The following BTRC variants were observed in gnomAD, a reference collection of about 807,000 sequenced individuals.
The protein encoded by BTRC is beta-transducin repeat containing E3 ubiquitin protein ligase.
A neutral mutation model predicts 85.5 loss-of-function variants in BTRC; 42 were observed. The observed-to-expected ratio is 0.49, with a 90% CI of 0.38 to 0.64. The LOEUF (loss-of-function observed/expected upper bound fraction) is 0.64, where lower values mean the gene tolerates loss of function less well. BTRC is among the 30% of genes least tolerant of loss of function. BTRC has a pLI of 0.00. For synonymous variants in BTRC, 255 were observed against 263.3 expected (o/e 0.97, Z 0.30); for missense variants, 594 against 743.5 (o/e 0.80, Z 2.34).
intron 3 of BTRC, among the ~76,000 whole-genome samples, chr10:101,476,232 G>A (rs1451500665): frequency 6.6e-6 from 1 of 151,834 alleles, no homozygotes; most frequent in African/African-American, 2.4e-5. Context: ...AAAGACTGAG[G>A]GATTGTTGAA....
At chr10:101,524,313 T>G (rs10509750) in intron 5 of BTRC, among the ~76,000 whole-genome samples, 3,000 of 152,296 alleles carry the variant, frequency 0.02, 57 homozygotes, top group East Asian at 0.09. Context: ...CCTCATTACT[T>G]TGTTCTCCCC....
chr10:101,498,554 T>C (rs1946322753), intron 4 of BTRC, among the ~76,000 whole-genome samples: 1 of 152,188 alleles, frequency 6.6e-6, no homozygotes, highest in African/African-American at 2.4e-5. Flanking sequence ...CCACACAGGT[T>C]AGCACATTTT....
intron 1 of BTRC, among the ~76,000 whole-genome samples, chr10:101,417,769 G>A (rs1943986469): frequency 1.3e-5 from 2 of 151,952 alleles, no homozygotes; most frequent in South Asian, 4.1e-4. Flanking sequence ...TAACTCCTGG[G>A]CTCAAGTGAT....
chr10:101,404,350 C>A lies in BTRC; in HGVS notation c.49-25995C>A, dbSNP rs1418231811. On this transcript the variant is annotated intron_variant, in intron 1 of 14. Transcript: ENST00000370187. ...CAGCCAATCCTAGCTATATTACAGT[C>A]TTTGCCTTTAAAGTTAATTTCACCG... is the stretch of plus-strand genomic sequence containing the variant. 2.6e-5 allele frequency among the ~76,000 whole-genome samples: 4 copies of A among 151,944 alleles called. No individual in the cohort carries two copies. In the East Asian group the frequency reaches 7.8e-4, roughly 29 times the overall value.
intron 1 of BTRC, among the ~76,000 whole-genome samples, chr10:101,423,925 GC>G (rs1489357802): frequency 6.6e-6 from 1 of 152,086 alleles, no homozygotes; most frequent in African/African-American, 2.4e-5. Context: ...TTTGCACTTT[GC>G]AGCTTTTAGA....
At chr10:101,411,146 C>A (rs566711307) in intron 1 of BTRC, among the ~76,000 whole-genome samples, 1 of 152,068 alleles carries the variant, frequency 6.6e-6, no homozygotes, top group East Asian at 1.9e-4. Context: ...CAGGTGCAGG[C>A]CCCTACGCCT....
At chr10:101,389,145 T>TTTTTTTTTC (rs1943170292) in intron 1 of BTRC, among the ~76,000 whole-genome samples, 1 of 138,494 alleles carries the variant, frequency 7.2e-6, no homozygotes. Flanking sequence ...TTTTTTTTTT[T>TTTTTTTTTC]TTTGCTGATC....
In BTRC at chr10:101,524,475, G is replaced by C. The variant is rs531819959; in HGVS notation, c.557-1538G>C. On this transcript the variant is annotated intron_variant, in intron 5 of 14. Coordinates refer to ENST00000370187, the MANE Select transcript of BTRC (RefSeq NM_033637.4). ...TTAAATCATCAATCTAATGCTTTAT[G>C]GCCATTTAAACTTATAAACCTATAT... is the stretch of plus-strand genomic sequence containing the variant. Among the ~76,000 whole-genome samples, 315 of 152,160 alleles carry C rather than the reference G, an allele frequency of 2.1e-3. 3 individuals are homozygous for C. The highest frequency in any genetic ancestry group is 7.1e-3 in the African/African-American group (293 of 41,524).
intron 9 of BTRC, 35 bp downstream of exon 9, chr10:101,533,105 A>G (rs745933497): frequency 7.0e-7 from 1 of 1,432,158 alleles, no homozygotes. Context: ...GAACTCTGAA[A>G]TATCAGCTCT....
intron 1 of BTRC, among the ~76,000 whole-genome samples, chr10:101,394,763 T>C (rs1422101139): frequency 6.6e-6 from 1 of 152,162 alleles, no homozygotes; most frequent in Non-Finnish European, 1.5e-5. Flanking sequence ...GAGTAGTACA[T>C]GGCTAGACTT....
chr10:101,430,483 G>A (rs1272202314), intron 2 of BTRC, 31 bp downstream of exon 2: 18 of 1,566,956 alleles, frequency 1.1e-5, no homozygotes, highest in Admixed American at 1.7e-5. Context: ...GGTTATTTGC[G>A]GGCATTAGTG....
At chr10:101,529,896 G>A (rs2062254395) in intron 6 of BTRC, among the ~76,000 whole-genome samples, 1 of 152,180 alleles carries the variant, frequency 6.6e-6, no homozygotes, top group Non-Finnish European at 1.5e-5. Context: ...ATTACACTCA[G>A]AGGCATTTCT....
chr10:101,467,947 A>G lies in BTRC; in HGVS notation c.234+5889A>G, dbSNP rs138403335. Among the ~76,000 whole-genome samples, 558 of 152,284 alleles carry G rather than the reference A, an allele frequency of 3.7e-3. 3 individuals carry two copies. The highest frequency in any genetic ancestry group is 5.6e-3 in the Admixed American group (86 of 15,288). ...AATTAATGTAGGTCTCTTAAGTAAG[A>G]CAAAAGTGATCTTTCCAAATCTGAC... On this transcript the variant is annotated intron_variant, in intron 3 of 14. Coordinates refer to ENST00000370187, the MANE Select transcript of BTRC (RefSeq NM_033637.4).
chr10:101,369,874 A>G (rs573834557), intron 1 of BTRC, among the ~76,000 whole-genome samples: 1 of 152,264 alleles, frequency 6.6e-6, no homozygotes, highest in South Asian at 2.1e-4. Context: ...TTCTTAGTCA[A>G]TCAGCCCCTT....
At chr10:101,462,696 A>T (rs953269139) in intron 3 of BTRC, among the ~76,000 whole-genome samples, 3 of 150,870 alleles carry the variant, frequency 2.0e-5, no homozygotes, top group African/African-American at 4.9e-5. Flanking sequence ...AAAAAAAAAA[A>T]ATAGCTCACC....
chr10:101,508,932 A>C (rs904862034), intron 4 of BTRC, among the ~76,000 whole-genome samples: 1 of 150,794 alleles, frequency 6.6e-6, no homozygotes, highest in African/African-American at 2.4e-5. Flanking sequence ...AAAAAAAAAA[A>C]AAAACTAAAA....
chr10:101,427,657 T>C (rs867681213), intron 1 of BTRC, among the ~76,000 whole-genome samples: 41 of 151,788 alleles, frequency 2.7e-4, no homozygotes, highest in African/African-American at 8.9e-4. Flanking sequence ...CCTCCCCAAG[T>C]AGCTAGGACC....
At chr10:101,501,790 C>T (rs140318589) in intron 4 of BTRC, among the ~76,000 whole-genome samples, 56 of 152,256 alleles carry the variant, frequency 3.7e-4, no homozygotes, top group Admixed American at 2.4e-3. Flanking sequence ...AGAAAGGATA[C>T]AAGTCCTAAT....
intron 1 of BTRC, among the ~76,000 whole-genome samples, chr10:101,419,912 C>T (rs962473764): frequency 7.2e-5 from 11 of 152,250 alleles, no homozygotes; most frequent in South Asian, 2.1e-4. Context: ...ACTTTCCTGT[C>T]CAAGCCCTCG....
Sources: allele counts gnomAD v4.1 joint callset (sites outside exome capture counted in the v4.1 genomes callset), GRCh38; gene constraint gnomAD v4.1.1; transcripts MANE v1.5; gene names NCBI Gene and HGNC (gene_info 2026-07-23, HGNC 2026-07-21).